The following GABPB1 variants were observed in gnomAD, a reference collection of about 807,000 sequenced individuals.
The protein encoded by GABPB1 is GA-binding protein subunit beta-1.
A neutral mutation model predicts 45.9 loss-of-function variants in GABPB1; 15 were observed. The observed-to-expected ratio is 0.33, with a 90% CI of 0.22 to 0.50. The LOEUF (loss-of-function observed/expected upper bound fraction) is 0.50. Ranked by LOEUF, GABPB1 falls within the 20% of genes least tolerant of loss-of-function variation. The pLI, the probability that GABPB1 is intolerant of heterozygous loss-of-function variation, is 0.98. For missense variants in GABPB1, 252 were observed against 457.5 expected, an observed-to-expected ratio of 0.55 and a Z score of 4.10; for synonymous variants, 143 against 154.4, an observed-to-expected ratio of 0.93 and a Z score of 0.55.
intron 1 of GABPB1, among the ~76,000 whole-genome samples, chr15:50,311,719 C>T (rs189505510): frequency 1.6e-4 from 25 of 152,070 alleles, no homozygotes; most frequent in Admixed American, 7.2e-4. Context: ...GAGAAAGGAG[C>T]GTATGTGTGA....
chr15:50,335,322 A>G (rs2048081868), intron 1 of GABPB1, among the ~76,000 whole-genome samples: 1 of 152,200 alleles, frequency 6.6e-6, no homozygotes, highest in South Asian at 2.1e-4. Context: ...TTAGGCAAGA[A>G]TATCTCATAA....
In GABPB1 at chr15:50,320,317, A is replaced by G. The variant is rs138128278; in HGVS notation, c.1-10519T>C. 4.5e-3 allele frequency among the ~76,000 whole-genome samples: 686 copies of G among 152,224 alleles called. 8 individuals are homozygous for G. Among genetic ancestry groups the G allele is most frequent in the African/African-American group, 0.016 (661 of 41,536 alleles). On this transcript the variant is annotated intron_variant, in intron 1 of 8. Coordinates refer to ENST00000380877, the MANE Select transcript of GABPB1 (RefSeq NM_016654.5). Reference sequence around the variant, plus strand: ...CAAGTAGCTGGGATTACAGGCATGCACCACCAGGCCCGGCTAATTTTTGCA... The same window carrying G: ...CAAGTAGCTGGGATTACAGGCATGCGCCACCAGGCCCGGCTAATTTTTGCA...
chr15:50,339,340 T>A (rs2141151358), intron 1 of GABPB1, among the ~76,000 whole-genome samples: 1 of 151,130 alleles, frequency 6.6e-6, no homozygotes, highest in African/African-American at 2.4e-5. Flanking sequence ...AACAAATAAA[T>A]AACCAGTAAT....
chr15:50,338,911 C>A (rs1341536516), intron 1 of GABPB1, among the ~76,000 whole-genome samples: 1 of 152,216 alleles, frequency 6.6e-6, no homozygotes, highest in African/African-American at 2.4e-5. Flanking sequence ...TGGCTCATGT[C>A]TCACTTTGGG....
intron 1 of GABPB1, among the ~76,000 whole-genome samples, chr15:50,322,885 C>G (rs1289432559): frequency 6.6e-6 from 1 of 151,864 alleles, no homozygotes; most frequent in Non-Finnish European, 1.5e-5. Context: ...AAAAATCAAC[C>G]AAGCATGGTG....
chr15:50,319,811 C>T (rs567335222), intron 1 of GABPB1, among the ~76,000 whole-genome samples: 14 of 152,062 alleles, frequency 9.2e-5, no homozygotes, highest in Admixed American at 7.9e-4. Context: ...GCACTCCAGC[C>T]CAGGCGACAG....
chr15:50,331,491 G>A (rs1289284893), intron 1 of GABPB1, among the ~76,000 whole-genome samples: 1 of 152,218 alleles, frequency 6.6e-6, no homozygotes, highest in Non-Finnish European at 1.5e-5. Context: ...CTGAGCTACA[G>A]TGAAGAAGTA....
At chr15:50,344,197 T>C (rs181129317) in intron 1 of GABPB1, among the ~76,000 whole-genome samples, 2 of 152,236 alleles carry the variant, frequency 1.3e-5, no homozygotes, top group African/African-American at 4.8e-5. Context: ...AGCTTGATAA[T>C]GTTAAACAGT....
chr15:50,311,376 T>A (rs1177469529), intron 1 of GABPB1, among the ~76,000 whole-genome samples: 1 of 152,004 alleles, frequency 6.6e-6, no homozygotes, highest in East Asian at 1.9e-4. Context: ...TAAATTTATC[T>A]CAAAAAAAGT....
chr15:50,347,058 G>A (rs1199566744), intron 1 of GABPB1, among the ~76,000 whole-genome samples: 1 of 151,908 alleles, frequency 6.6e-6, no homozygotes, highest in African/African-American at 2.4e-5. Flanking sequence ...AAAGTGCTGG[G>A]ATTACAAGCA....
At chr15:50,347,126 G>A (rs993255432) in intron 1 of GABPB1, among the ~76,000 whole-genome samples, 1 of 151,958 alleles carries the variant, frequency 6.6e-6, no homozygotes, top group African/African-American at 2.4e-5. Context: ...CCACTCCTGA[G>A]GGCTCTACCC....
At chr15:50,344,600 G>A (rs1330783850) in intron 1 of GABPB1, among the ~76,000 whole-genome samples, 1 of 152,192 alleles carries the variant, frequency 6.6e-6, no homozygotes, top group African/African-American at 2.4e-5. Context: ...CTGCACTTTG[G>A]GAGGCCGAGG....
At position 50,277,971 on chromosome 15, in the gene GABPB1, C is replaced by T. The variant is rs2045870995; in HGVS notation, c.*661G>A. On this transcript the variant is annotated 3_prime_UTR_variant, in exon 9 of 9. Coordinates refer to ENST00000380877, the MANE Select transcript of GABPB1 (RefSeq NM_016654.5). ...TTTTTTCTGGTCACTTTCATCATTTCTGTGGGAGAAATACCTATGTAAGTG... is the reference window on the plus strand; with the variant it reads ...TTTTTTCTGGTCACTTTCATCATTTTTGTGGGAGAAATACCTATGTAAGTG... 1 of 152,306 alleles carries T rather than the reference C, an allele frequency of 6.6e-6. No homozygotes were observed. Among genetic ancestry groups the T allele is most frequent in the Admixed American group, 6.6e-5 (1 of 15,266 alleles). The allele number at this position is 152,306 out of a possible 1,614,324, so 9.4% of individuals were successfully genotyped here.
Position 50,318,878 on chromosome 15 carries a change from T to TAC in GABPB1, c.1-9082_1-9081dup, listed in dbSNP as rs201694696. Among the ~76,000 whole-genome samples, 78 of 152,040 alleles carry TAC rather than the reference T, an allele frequency of 5.1e-4. 1 individual carries two copies. The highest frequency in any genetic ancestry group is 1.8e-3 in the Admixed American group (28 of 15,258). The stretch of plus-strand genomic sequence containing the variant: ...CATGTCTCTTGTACAGTTTTTCCTT[T>TAC]ACACACACACACACAGAGATATGCA... On this transcript the variant is annotated intron_variant, in intron 1 of 8. Transcript: ENST00000380877.
intron 1 of GABPB1, chr15:50,347,479 A>G (rs2048635617): frequency 6.6e-6 from 1 of 152,078 alleles, no homozygotes; most frequent in South Asian, 2.1e-4. Flanking sequence ...GACCATGAAA[A>G]TCTTCTCTGC....
intron 1 of GABPB1, among the ~76,000 whole-genome samples, chr15:50,344,247 G>A (rs1045641875): frequency 6.6e-6 from 1 of 152,218 alleles, no homozygotes; most frequent in African/African-American, 2.4e-5. Flanking sequence ...AGGTTTGAAA[G>A]TCAGAAAGTA....
At chr15:50,291,707 C>A (rs1020867053) in intron 6 of GABPB1, among the ~76,000 whole-genome samples, 30 of 151,786 alleles carry the variant, frequency 2.0e-4, no homozygotes, top group African/African-American at 7.0e-4. Flanking sequence ...ATCACTTGAG[C>A]CCAGGAGTTC....
intron 6 of GABPB1, among the ~76,000 whole-genome samples, chr15:50,292,840 G>A (rs2046393739): frequency 8.8e-6 from 1 of 113,120 alleles, no homozygotes; most frequent in Non-Finnish European, 1.8e-5. Context: ...AAATAAAAGT[G>A]TGTATATGTG....
rs1341152147 is a variant in GABPB1, at chr15:50,286,250, T to G, written c.884-67A>C. ...AGATTTATTAGAAATAAAACTAGTC[T>G]TGACATTGTTGATGCTACTCATCTA... On this transcript the variant is annotated intron_variant, in intron 7 of 8. Coordinates refer to ENST00000380877, the MANE Select transcript of GABPB1 (RefSeq NM_016654.5). 4 of 1,069,300 alleles carry G rather than the reference T, an allele frequency of 3.7e-6. No homozygotes were observed. The East Asian group carries it at 1.1e-4, about 30-fold the overall frequency. 66.2% of individuals were successfully genotyped at this position (1,069,300 alleles called of 1,614,324 possible). A position where few individuals can be genotyped will look rare whatever the true frequency, so the allele number is the denominator to read the frequency against.
Sources: gnomAD v4.1 joint callset for allele counts (sites outside exome capture counted in the v4.1 genomes callset) on GRCh38, gnomAD v4.1.1 for gene constraint, MANE v1.5 for transcripts, NCBI Gene and HGNC (gene_info 2026-07-23, HGNC 2026-07-21) for gene names.